Variants in DNAH8 observed in about 807,000 individuals in gnomAD.
DNAH8 encodes axonemal beta dynein heavy chain 8.
Under a neutral mutation model 562.1 loss-of-function variants are expected in DNAH8, and 382 were observed. The ratio of observed to expected loss-of-function variants is 0.68; its 90% CI spans 0.63 to 0.74. The LOEUF is 0.74. Among genes scored for constraint, DNAH8 ranks in the 30% least tolerant of loss-of-function variants. DNAH8 has a pLI of 0.00. For missense variants in DNAH8, 5,203 were observed against 5,620.4 expected (o/e 0.93, Z 2.37); for synonymous variants, 1,881 against 1,919.4 (o/e 0.98, Z 0.52).
intron 91 of DNAH8, among the ~76,000 whole-genome samples, chr6:39,025,775 A>G (rs1484908560): frequency 6.6e-6 from 1 of 152,056 alleles, no homozygotes; most frequent in Non-Finnish European, 1.5e-5. Context: ...ATGATTTTTA[A>G]TATTTACATG....
At chr6:38,807,553 G>A in intron 23 of DNAH8, 57 bp from the exon 24 acceptor site, 1 of 837,280 alleles carries the variant, frequency 1.2e-6, no homozygotes, top group Non-Finnish European at 1.8e-6. Context: ...TTGTTTTGGG[G>A]ATGCTCTAGG....
intron 40 of DNAH8, 85 bp downstream of exon 40, chr6:38,852,883 A>G: frequency 1.9e-6 from 2 of 1,056,404 alleles, no homozygotes; most frequent in Non-Finnish European, 1.4e-6. Flanking sequence ...ACAGAAAAAA[A>G]CAGGAGGAGA....
intron 79 of DNAH8, among the ~76,000 whole-genome samples, chr6:38,944,396 G>A (rs578255462): frequency 6.6e-6 from 1 of 152,308 alleles, no homozygotes; most frequent in South Asian, 2.1e-4. Flanking sequence ...TGCTAGATGG[G>A]GAGAGCAAAG....
At chr6:38,974,799 C>T (rs181029258) in intron 85 of DNAH8, among the ~76,000 whole-genome samples, 18 of 152,268 alleles carry the variant, frequency 1.2e-4, no homozygotes, top group Middle Eastern at 3.4e-3. Context: ...CCTACTGTCA[C>T]AACAGCACGC....
chr6:38,885,257 A>G (rs1192133469), intron 56 of DNAH8, among the ~76,000 whole-genome samples: 1 of 152,072 alleles, frequency 6.6e-6, no homozygotes, highest in Non-Finnish European at 1.5e-5. Context: ...CTCCTCCAAC[A>G]GTCTTCTCTC....
intron 82 of DNAH8, among the ~76,000 whole-genome samples, chr6:38,955,580 G>A (rs1033293681): frequency 4.6e-5 from 7 of 152,016 alleles, no homozygotes; most frequent in East Asian, 1.9e-4. Flanking sequence ...GCAGTGAGCC[G>A]AGATTGTGCC....
chr6:38,813,008 T>C (rs1771933713), intron 24 of DNAH8, among the ~76,000 whole-genome samples: 1 of 152,212 alleles, frequency 6.6e-6, no homozygotes. Context: ...TAAATGTTAC[T>C]TATTCTTACC....
intron 88 of DNAH8, 62 bp downstream of exon 88, chr6:38,990,234 T>C (rs1009973612): frequency 1.2e-4 from 130 of 1,122,624 alleles, no homozygotes; most frequent in Non-Finnish European, 1.6e-4. Context: ...GCAAAGATGG[T>C]GCATTTCATT....
rs189789652 is a variant in DNAH8 at position 38,973,580 on chromosome 6, A to T, written c.12526-81A>T. ...AAAACAGAGTATTCACATGGTTTTTAAAAAAAGTGCACATTTTGTTTTATT... is the reference window on the plus strand; with the variant it reads ...AAAACAGAGTATTCACATGGTTTTTTAAAAAAGTGCACATTTTGTTTTATT... On this transcript the variant is annotated intron_variant, in intron 83 of 92. Transcript: ENST00000327475. 988 of 1,187,272 alleles carry T rather than the reference A, an allele frequency of 8.3e-4. 3 individuals are homozygous for T. The highest frequency in any genetic ancestry group is 6.8e-3 in the South Asian group (405 of 59,276). 73.5% of individuals were successfully genotyped at this position (1,187,272 alleles called of 1,614,324 possible).
chr6:38,944,929 T>C (rs189001964), intron 79 of DNAH8, among the ~76,000 whole-genome samples: 105 of 152,108 alleles, frequency 6.9e-4, no homozygotes, highest in African/African-American at 2.2e-3. Context: ...CCCTGGCCTA[T>C]GTTTCTCCCA....
At chr6:38,789,920 T>C (rs1769546558) in intron 19 of DNAH8, 37 bp downstream of exon 19, 1 of 1,481,498 alleles carries the variant, frequency 6.7e-7, no homozygotes. Context: ...ATTTTCCTGT[T>C]ATTTAAAATT....
chr6:38,862,307 G>A lies in DNAH8; in HGVS notation c.6159G>A (p.Leu2053=). 6.2e-7 allele frequency: 1 copy of A among 1,613,988 alleles called. No homozygotes were observed. Among genetic ancestry groups the A allele is most frequent in the Non-Finnish European group, 8.5e-7 (1 of 1,179,946 alleles). The change falls in exon 44 of 93, where the codon TTG becomes TTA. Residue 2053 remains leucine (L), a synonymous_variant. Coordinates refer to ENST00000327475, the MANE Select transcript of DNAH8 (RefSeq NM_001206927.2). ...GCTATATCACGTTAGCTCAGGCCTT[G>A]GGCATGAACATGGGAGGTGCTCCCG... is the stretch of plus-strand genomic sequence containing the variant. The part of the protein sequence containing the change: ...DRCYITLAQA[L]GMNMGGAPAG...
At chr6:38,904,994 G>T (rs1192201434) in intron 62 of DNAH8, among the ~76,000 whole-genome samples, 4 of 152,102 alleles carry the variant, frequency 2.6e-5, no homozygotes, top group Admixed American at 2.6e-4. Flanking sequence ...GGGGTGTGTT[G>T]TGACTGTCTC....
chr6:38,887,326 T>C (rs1475262595), intron 57 of DNAH8, among the ~76,000 whole-genome samples: 1 of 152,250 alleles, frequency 6.6e-6, no homozygotes, highest in Admixed American at 6.5e-5. Flanking sequence ...ATTAACGATA[T>C]ATTATACAAA....
intron 82 of DNAH8, among the ~76,000 whole-genome samples, chr6:38,969,313 T>C (rs1763181396): frequency 1.3e-5 from 2 of 152,202 alleles, no homozygotes; most frequent in East Asian, 3.8e-4. Context: ...TTCAGAAATA[T>C]ATATTTATTG....
chr6:38,830,263 A>G (rs1773712278), intron 30 of DNAH8, among the ~76,000 whole-genome samples: 1 of 152,094 alleles, frequency 6.6e-6, no homozygotes, highest in Admixed American at 6.5e-5. Context: ...CTTTTAATGT[A>G]GAACTTGATA....
intron 13 of DNAH8, 87 bp downstream of exon 13, chr6:38,776,038 G>A (rs1768032441): frequency 2.5e-6 from 2 of 809,488 alleles, no homozygotes; most frequent in South Asian, 1.7e-5. Context: ...TTCACATGTA[G>A]TAAGTGTTTC....
Position 38,857,700 on chromosome 6 carries a change from A to G in DNAH8, c.5916A>G (p.Leu1972=). ...TTGATAGAGTGAAGTTCGAGACTCTAATTACCATCCATGTGCATCAGAGAG... is the reference window on the plus strand; with the variant it reads ...TTGATAGAGTGAAGTTCGAGACTCTGATTACCATCCATGTGCATCAGAGAG... ...SKFDRVKFET[L]ITIHVHQRDI... Residue 1972 remains leucine (L), a synonymous_variant, in exon 42 of 93, where the codon CTA becomes CTG. Coordinates refer to ENST00000327475, the MANE Select transcript of DNAH8 (RefSeq NM_001206927.2). The G allele has an allele frequency of 6.2e-7, 1 of 1,613,552 alleles. No homozygotes were observed. The highest frequency in any genetic ancestry group is 8.5e-7 in the Non-Finnish European group (1 of 1,179,570).
intron 9 of DNAH8, among the ~76,000 whole-genome samples, chr6:38,755,182 G>T (rs12215108): frequency 0.095 from 14,460 of 152,044 alleles, 933 homozygotes; most frequent in Middle Eastern, 0.16. Flanking sequence ...TTTCTTAATA[G>T]CACAGAAAAT....
Sources: allele counts gnomAD v4.1 joint callset (sites outside exome capture counted in the v4.1 genomes callset), GRCh38; gene constraint gnomAD v4.1.1; transcripts MANE v1.5; gene names NCBI Gene and HGNC (gene_info 2026-07-23, HGNC 2026-07-21).